The following LHPP variants were observed in gnomAD, a reference collection of about 807,000 sequenced individuals.
LHPP encodes the protein hLHPP.
Under a neutral mutation model 30.3 loss-of-function variants are expected in LHPP, and 24 were observed. That is an observed-to-expected ratio of 0.79 (90% CI 0.57 to 1.11). LHPP has a LOEUF of 1.11. Among genes scored for constraint, LHPP ranks in the 50% most tolerant of loss-of-function variants. The pLI is 0.00. For synonymous variants in LHPP, 150 were observed against 157.1 expected (o/e 0.95, Z 0.34); for missense variants, 356 against 367.2 (o/e 0.97, Z 0.25).
intron 6 of LHPP, among the ~76,000 whole-genome samples, chr10:124,558,260 G>A (rs558083080): frequency 1.1e-4 from 16 of 152,252 alleles, no homozygotes; most frequent in South Asian, 4.1e-4. Context: ...CTGAGTGGAC[G>A]TCCTCTAGCA....
chr10:124,606,095 G>C lies in LHPP; in HGVS notation c.717-7169G>C, dbSNP rs1025653912. ...CATCAGAAGCAGGTCCTCAGCCAGA[G>C]ACGCCCAAATGCAGCCCGAGGGAGG... is the stretch of plus-strand genomic sequence containing the variant. On this transcript the variant is annotated intron_variant, in intron 6 of 6. Coordinates refer to ENST00000368842, the MANE Select transcript of LHPP (RefSeq NM_022126.4). Among the ~76,000 whole-genome samples the C allele has an allele frequency of 3.3e-5, 5 of 152,192 alleles. No homozygotes were observed. In the South Asian group the frequency reaches 1.0e-3, roughly 31 times the overall value.
chr10:124,503,583 C>T (rs904256354), intron 5 of LHPP, among the ~76,000 whole-genome samples: 3 of 151,956 alleles, frequency 2.0e-5, no homozygotes, highest in African/African-American at 7.3e-5. Context: ...TTAACATTTA[C>T]ATTTGTTTTG....
At chr10:124,568,684 TG>T (rs1323571718) in intron 6 of LHPP, among the ~76,000 whole-genome samples, 1 of 152,206 alleles carries the variant, frequency 6.6e-6, no homozygotes, top group African/African-American at 2.4e-5. Flanking sequence ...GTGCTGGCAC[TG>T]GGATTCTGTG....
At chr10:124,561,693 C>T (rs1223607522) in intron 6 of LHPP, among the ~76,000 whole-genome samples, 1 of 151,590 alleles carries the variant, frequency 6.6e-6, no homozygotes, top group Non-Finnish European at 1.5e-5. Context: ...GTCCACCCCA[C>T]CCAAGCAGAA....
At position 124,528,387 on chromosome 10, in the gene LHPP, C is replaced by G. The variant is rs138272860; in HGVS notation, c.716+11116C>G. 1.9e-3 allele frequency among the ~76,000 whole-genome samples: 291 copies of G among 151,812 alleles called. 6 individuals carry two copies. In the East Asian group the frequency reaches 0.045, roughly 23 times the overall value. Reference sequence around the variant, plus strand: ...ATTTTATTTTTTTTTGAAACGGAGTCTTGCTCTGTTGCCCAGGCTGGAGTG... The same window carrying G: ...ATTTTATTTTTTTTTGAAACGGAGTGTTGCTCTGTTGCCCAGGCTGGAGTG... On this transcript the variant is annotated intron_variant, in intron 6 of 6. Coordinates refer to ENST00000368842, the MANE Select transcript of LHPP (RefSeq NM_022126.4).
chr10:124,608,222 C>T (rs1949120430), intron 6 of LHPP, among the ~76,000 whole-genome samples: 1 of 152,122 alleles, frequency 6.6e-6, no homozygotes, highest in Admixed American at 6.5e-5. Context: ...TCACCCTGTC[C>T]TCCCTGTGCC....
intron 1 of LHPP, among the ~76,000 whole-genome samples, chr10:124,471,211 C>T (rs990796243): frequency 6.6e-6 from 1 of 151,218 alleles, no homozygotes; most frequent in East Asian, 2.0e-4. Flanking sequence ...TCTGCGGGCA[C>T]CTGCCCCATC....
intron 5 of LHPP, among the ~76,000 whole-genome samples, chr10:124,506,263 A>ACCCC (rs539116106): frequency 0.037 from 3,191 of 85,730 alleles, 52 homozygotes; most frequent in East Asian, 0.071. Flanking sequence ...AAAACAACAA[A>ACCCC]CCCCCCCCCC....
chr10:124,606,695 G>A (rs150187058), intron 6 of LHPP, among the ~76,000 whole-genome samples: 2 of 152,384 alleles, frequency 1.3e-5, no homozygotes, highest in Non-Finnish European at 2.9e-5. Flanking sequence ...GACAGAGCAG[G>A]GTGCTCAGCT....
intron 3 of LHPP, among the ~76,000 whole-genome samples, chr10:124,491,943 T>C (rs1953544539): frequency 6.6e-6 from 1 of 152,176 alleles, no homozygotes; most frequent in African/African-American, 2.4e-5. Flanking sequence ...CAACAAAACC[T>C]TAAATGTATT....
chr10:124,524,030 T>C (rs1200690834), intron 6 of LHPP, among the ~76,000 whole-genome samples: 3 of 152,210 alleles, frequency 2.0e-5, no homozygotes, highest in African/African-American at 7.2e-5. Context: ...TTTAAGCCTG[T>C]ACACTTTTTT....
chr10:124,470,881 C>T (rs1200364861), intron 1 of LHPP, among the ~76,000 whole-genome samples: 1 of 152,102 alleles, frequency 6.6e-6, no homozygotes, highest in Non-Finnish European at 1.5e-5. Flanking sequence ...TTGTCGAGAA[C>T]GTGCTGTCGT....
rs1954272610 is a variant in LHPP at position 124,510,552 on chromosome 10, C to A, written c.625-6628C>A. On this transcript the variant is annotated intron_variant, in intron 5 of 6. Coordinates refer to ENST00000368842, the MANE Select transcript of LHPP (RefSeq NM_022126.4). This position sits in a 1 kb window ranked among gnomAD's most constrained non-coding sequence, Gnocchi z 4.0. ...GACCACGTTCCTCTGGTCCTGTCTC[C>A]GTGGGCCACATCCACAAATGTTCCA... 2.0e-5 allele frequency among the ~76,000 whole-genome samples: 3 copies of A among 152,206 alleles called. No homozygotes were observed. Among genetic ancestry groups the A allele is most frequent in the Admixed American group, 2.0e-4 (3 of 15,290 alleles).
chr10:124,590,720 G>A lies in LHPP; in HGVS notation c.717-22544G>A, dbSNP rs1193636690. 6.6e-6 allele frequency among the ~76,000 whole-genome samples: 1 copy of A among 152,296 alleles called. No individual in the cohort carries two copies. Among genetic ancestry groups the A allele is most frequent in the East Asian group, 1.9e-4 (1 of 5,186 alleles). On this transcript the variant is annotated intron_variant, in intron 6 of 6. Transcript: ENST00000368842. This position sits in a 1 kb window ranked among gnomAD's most constrained non-coding sequence, Gnocchi z 4.3. ...AGACACGGTGGGCACCAGCCCCAGCGCTGCCACCTGCCTGCCTCCTCTGCC... is the reference window on the plus strand; with the variant it reads ...AGACACGGTGGGCACCAGCCCCAGCACTGCCACCTGCCTGCCTCCTCTGCC...
intron 6 of LHPP, among the ~76,000 whole-genome samples, chr10:124,563,549 TGAGGGGTCCTGGTGGTGATG>T (rs1290870922): frequency 6.6e-6 from 1 of 152,122 alleles, no homozygotes; most frequent in Non-Finnish European, 1.5e-5. Context: ...AAGAGCAGCC[TGAGGGGTCCTGGTGGTGATG>T]GAAAGCTTCT....
At chr10:124,508,863 T>G (rs1283680673) in intron 5 of LHPP, among the ~76,000 whole-genome samples, 1 of 152,134 alleles carries the variant, frequency 6.6e-6, no homozygotes, top group Non-Finnish European at 1.5e-5. Context: ...AATATCCTAT[T>G]GGGGACAATT....
At chr10:124,489,849 G>T in intron 3 of LHPP, 1 of 213,030 alleles carries the variant, frequency 4.7e-6, no homozygotes, top group South Asian at 6.3e-5. Flanking sequence ...CCATGTCCAC[G>T]ACCAAATACG....
chr10:124,611,932 C>T (rs1242337230), intron 6 of LHPP, among the ~76,000 whole-genome samples: 1 of 152,176 alleles, frequency 6.6e-6, no homozygotes, highest in Admixed American at 6.5e-5. Flanking sequence ...GTGGGGAGAT[C>T]CAAGCAACAT....
chr10:124,468,389 G>C (rs1409885907), intron 1 of LHPP, among the ~76,000 whole-genome samples: 1 of 152,218 alleles, frequency 6.6e-6, no homozygotes, highest in Non-Finnish European at 1.5e-5. Context: ...AGCTGGGAGA[G>C]GCTAAAATCT....
Sources: allele counts gnomAD v4.1 joint callset (sites outside exome capture counted in the v4.1 genomes callset), GRCh38; gene constraint gnomAD v4.1.1; non-coding constraint Gnocchi (gnomAD v3.1); transcripts MANE v1.5; gene names NCBI Gene and HGNC (gene_info 2026-07-23, HGNC 2026-07-21).